Variants in TTC39B observed in about 807,000 individuals in gnomAD.
The protein encoded by TTC39B is tetratricopeptide repeat protein 39B.
TTC39B carries 92 observed loss-of-function variants against 96.6 expected under a neutral mutation model. That is an observed-to-expected ratio of 0.95 (90% CI 0.80 to 1.13). TTC39B has a LOEUF of 1.13. Ranked by LOEUF, TTC39B falls within the 50% of genes most tolerant of loss-of-function variation. The pLI is 0.00. For missense variants in TTC39B, 955 were observed against 809.3 expected, an observed-to-expected ratio of 1.18 and a Z score of -2.18; for synonymous variants, 367 against 299.4, an observed-to-expected ratio of 1.23 and a Z score of -2.33.
intron 3 of TTC39B, among the ~76,000 whole-genome samples, chr9:15,223,708 T>C (rs1820970475): frequency 6.6e-6 from 1 of 152,194 alleles, no homozygotes; most frequent in Non-Finnish European, 1.5e-5. Context: ...TGAGAATGTC[T>C]GTTGTTTAGT....
At chr9:15,211,342 C>T in exon 5 of TTC39B, 4 of 1,597,860 alleles carry the variant, frequency 2.5e-6, no homozygotes, top group Non-Finnish European at 3.4e-6. Flanking sequence ...GTCAGGACAG[C>T]CTGCAACACC....
chr9:15,287,625 G>T (rs1259349577), intron 1 of TTC39B, among the ~76,000 whole-genome samples: 2 of 151,972 alleles, frequency 1.3e-5, no homozygotes, highest in African/African-American at 4.8e-5. Flanking sequence ...CTTCATTTAA[G>T]TTAAAATGTA....
chr9:15,245,030 A>G (rs374922704), intron 2 of TTC39B, among the ~76,000 whole-genome samples: 2 of 152,210 alleles, frequency 1.3e-5, no homozygotes, highest in African/African-American at 4.8e-5. Context: ...TTTACAACTC[A>G]TAGTATAATT....
exon 12 of TTC39B, chr9:15,189,781 C>T (rs1586833476): frequency 1.9e-6 from 3 of 1,610,746 alleles, no homozygotes; most frequent in Non-Finnish European, 2.5e-6. Flanking sequence ...GCAACATTCA[C>T]TTCTCCTGTA....
At chr9:15,166,997 TATATATATATATATATATATATATATATA>T (rs1564299683) in exon 20 of TTC39B, 3 of 5,560 alleles carry the variant, frequency 5.4e-4, no homozygotes, top group East Asian at 8.6e-3. Context: ...TATATATATA[TATATATATATATATATATATATATATATA>T]TATTTTTTTT....
At chr9:15,288,843 G>GTGCT (rs1479904533) in intron 1 of TTC39B, among the ~76,000 whole-genome samples, 2 of 152,178 alleles carry the variant, frequency 1.3e-5, no homozygotes, top group Non-Finnish European at 2.9e-5. Flanking sequence ...GCCCATCTTT[G>GTGCT]TGCTCCCCCA....
At chr9:15,167,007 TATATATATATATATATATA>T (rs1308534992) in exon 20 of TTC39B, 10 of 7,378 alleles carry the variant, frequency 1.4e-3, no homozygotes, top group Admixed American at 3.0e-3. Context: ...TATATATATA[TATATATATATATATATATA>T]TATTTTTTTT....
intron 6 of TTC39B, among the ~76,000 whole-genome samples, chr9:15,209,696 C>T (rs1025300887): frequency 7.9e-5 from 12 of 152,000 alleles, no homozygotes; most frequent in African/African-American, 2.9e-4. Context: ...AAATAAAAAC[C>T]ATAGAGAAAA....
chr9:15,285,299 T>C (rs963404533), intron 1 of TTC39B, among the ~76,000 whole-genome samples: 17 of 151,462 alleles, frequency 1.1e-4, no homozygotes, highest in African/African-American at 3.6e-4. Context: ...GATCCTTTCA[T>C]GCCCAGTGTA....
intron 2 of TTC39B, among the ~76,000 whole-genome samples, chr9:15,255,384 C>A (rs375214459): frequency 1.6e-4 from 25 of 151,820 alleles, no homozygotes; most frequent in African/African-American, 5.3e-4. Context: ...GTTCCACAAG[C>A]AGAGACAAAA....
chr9:15,263,988 C>G (rs12005971), intron 2 of TTC39B, among the ~76,000 whole-genome samples: 8,804 of 152,122 alleles, frequency 0.058, 284 homozygotes, highest in African/African-American at 0.075. Context: ...CTGAGCAGGA[C>G]AGGGAAGTTA....
At chr9:15,171,346 G>T (rs889118666) in exon 20 of TTC39B, 1 of 152,016 alleles carries the variant, frequency 6.6e-6, no homozygotes, top group Non-Finnish European at 1.5e-5. Context: ...CAGGGGTTTT[G>T]AATTTTGTTA....
intron 1 of TTC39B, among the ~76,000 whole-genome samples, chr9:15,289,904 G>C (rs1824120566): frequency 6.6e-6 from 1 of 152,052 alleles, no homozygotes; most frequent in Non-Finnish European, 1.5e-5. Flanking sequence ...TATTCATGTG[G>C]GCAGGAGTAA....
At chr9:15,177,922 T>C (rs1189130032) in intron 17 of TTC39B, 108 bp from the exon 18 acceptor site, 1 of 623,836 alleles carries the variant, frequency 1.6e-6, no homozygotes, top group Non-Finnish European at 2.5e-6. Context: ...CAGGCTGGAG[T>C]GCAGTGGCGC....
chr9:15,211,982 C>A (rs1820227708), intron 4 of TTC39B, among the ~76,000 whole-genome samples: 2 of 152,164 alleles, frequency 1.3e-5, no homozygotes, highest in Non-Finnish European at 2.9e-5. Context: ...CATCAAGTTA[C>A]AGTGAGAACT....
rs1436051188 is a variant in TTC39B at position 15,236,718 on chromosome 9, C to CT, written c.276-10707_276-10706insA. Among the ~76,000 whole-genome samples the CT allele has an allele frequency of 3.9e-5, 6 of 152,244 alleles. No individual in the cohort carries two copies. In the East Asian group the frequency reaches 1.2e-3, roughly 29 times the overall value. On this transcript the variant is annotated intron_variant, in intron 2 of 19. Coordinates refer to ENST00000512701, the Ensembl canonical transcript of TTC39B. The stretch of plus-strand genomic sequence containing the variant: ...GGAACCTAAACAACTTGCTCCTGAA[C>CT]AACTCTTGGGTAAACAATGAAATTA...
chr9:15,214,101 T>C, intron 4 of TTC39B, 38 bp downstream of exon 4: 1 of 1,462,982 alleles, frequency 6.8e-7, no homozygotes, highest in Non-Finnish European at 9.5e-7. Context: ...CAGAAACATC[T>C]GAAAGATATT....
intron 1 of TTC39B, among the ~76,000 whole-genome samples, chr9:15,281,564 A>G (rs970573127): frequency 6.1e-5 from 9 of 147,524 alleles, no homozygotes; most frequent in African/African-American, 2.1e-4. Flanking sequence ...AGACTTCTAC[A>G]TATTAATTTC....
intron 2 of TTC39B, 109 bp downstream of exon 2, chr9:15,267,805 A>C (rs187888199): frequency 1.1e-6 from 1 of 891,664 alleles, no homozygotes. Context: ...TTTTTCTGAA[A>C]ATAGCCATTG....
Sources: gnomAD v4.1 joint callset for allele counts (sites outside exome capture counted in the v4.1 genomes callset) on GRCh38, gnomAD v4.1.1 for gene constraint, MANE v1.5 for transcripts, NCBI Gene and HGNC (gene_info 2026-07-23, HGNC 2026-07-21) for gene names.